The following C1orf185 variants were observed in gnomAD, a reference collection of about 807,000 sequenced individuals.
C1orf185 encodes the protein uncharacterized protein C1orf185.
In C1orf185, 13 loss-of-function variants were observed where a neutral mutation model predicts 16.1. The ratio of observed to expected loss-of-function variants is 0.81; its 90% confidence interval spans 0.53 to 1.28. The LOEUF (loss-of-function observed/expected upper bound fraction) is 1.28. Ranked by LOEUF, C1orf185 falls within the 50% of genes most tolerant of loss-of-function variation. The pLI, the probability that C1orf185 is intolerant of heterozygous loss-of-function variation, is 0.00. For missense variants in C1orf185, 220 were observed against 225.2 expected (o/e 0.98, Z 0.15); for synonymous variants, 80 against 76.9 (o/e 1.04, Z -0.21).
intron 3 of C1orf185, among the ~76,000 whole-genome samples, chr1:51,144,296 AG>A (rs1646385363): frequency 6.6e-6 from 1 of 152,232 alleles, no homozygotes; most frequent in Non-Finnish European, 1.5e-5. Context: ...AAGTCTGAGA[AG>A]CAATATTCTA....
chr1:51,127,301 TG>T (rs201614938), intron 3 of C1orf185, among the ~76,000 whole-genome samples: 83 of 151,906 alleles, frequency 5.5e-4, no homozygotes, highest in Admixed American at 7.9e-4. Flanking sequence ...TTTTTTTTTT[TG>T]TGTGAGATGG....
downstream of C1orf185, among the ~76,000 whole-genome samples, chr1:51,149,689 G>T (rs953872713): frequency 3.3e-5 from 5 of 152,060 alleles, no homozygotes; most frequent in Non-Finnish European, 5.9e-5. Flanking sequence ...GGGGAACTAT[G>T]GGTTGCCATT....
Position 51,145,764 on chromosome 1 carries a change from T to C in C1orf185, c.295+4T>C, listed in dbSNP as rs1359617420. 7.7e-7 allele frequency: 1 copy of C among 1,291,362 alleles called. No homozygotes were observed. The highest frequency in any genetic ancestry group is 1.1e-6 in the Non-Finnish European group (1 of 950,062). The allele number at this position is 1,291,362 out of a possible 1,614,324, so 80.0% of individuals were successfully genotyped here. On this transcript the variant is annotated splice_donor_region_variant and intron_variant, in intron 4 of 4. Transcript: ENST00000371759. The stretch of plus-strand genomic sequence containing the variant: ...AAGGAAGCAGCACATATAAAAGGTA[T>C]TTTTTCTCAATAATTTATTAGAAGA...
At chr1:51,129,495 T>C (rs1646267914) in intron 3 of C1orf185, among the ~76,000 whole-genome samples, 1 of 152,146 alleles carries the variant, frequency 6.6e-6, no homozygotes, top group Admixed American at 6.5e-5. Context: ...CACTGTAACC[T>C]TGAACTCATG....
At chr1:51,114,922 C>A (rs1646146916) in intron 2 of C1orf185, among the ~76,000 whole-genome samples, 1 of 152,148 alleles carries the variant, frequency 6.6e-6, no homozygotes, top group Non-Finnish European at 1.5e-5. Flanking sequence ...CCCTCATGCT[C>A]CTTTCCAGGC....
At chr1:51,113,721 G>A (rs17389822) in intron 2 of C1orf185, among the ~76,000 whole-genome samples, 5,229 of 151,804 alleles carry the variant, frequency 0.034, 131 homozygotes, top group African/African-American at 0.066. Flanking sequence ...TAAATTCAGC[G>A]TTTGCATTGT....
At chr1:51,142,535 T>C (rs1355364021) in intron 3 of C1orf185, among the ~76,000 whole-genome samples, 4 of 152,218 alleles carry the variant, frequency 2.6e-5, no homozygotes, top group Admixed American at 2.0e-4. Flanking sequence ...GAGTTTCCAA[T>C]GTGGAGAAGT....
At chr1:51,126,299 C>A (rs118188515) in intron 3 of C1orf185, among the ~76,000 whole-genome samples, 1 of 151,932 alleles carries the variant, frequency 6.6e-6, no homozygotes, top group Non-Finnish European at 1.5e-5. Context: ...GGTCTTGCTC[C>A]GTTGCCCAGG....
At chr1:51,105,360 A>G (rs1646061741) in intron 1 of C1orf185, among the ~76,000 whole-genome samples, 1 of 152,044 alleles carries the variant, frequency 6.6e-6, no homozygotes, top group Non-Finnish European at 1.5e-5. Flanking sequence ...AAAAAAAAAA[A>G]CTTTCTCCTA....
intron 3 of C1orf185, among the ~76,000 whole-genome samples, chr1:51,124,313 C>T (rs776426361): frequency 2.4e-4 from 36 of 152,174 alleles, no homozygotes; most frequent in Non-Finnish European, 4.9e-4. Flanking sequence ...AACTCCTGGC[C>T]TCAAGTGATC....
In C1orf185 at chr1:51,104,970, A is replaced by AT. The variant is rs374073717; in HGVS notation, c.16+2733dup. 2.8e-3 allele frequency among the ~76,000 whole-genome samples: 394 copies of AT among 142,162 alleles called. 1 individual carries two copies. Among genetic ancestry groups the AT allele is most frequent in the East Asian group, 0.015 (71 of 4,894 alleles). The allele number at this position is 142,162 out of a possible 152,430, so 93.3% of individuals were successfully genotyped here. A position where few individuals can be genotyped will look rare whatever the true frequency, so the allele number is the denominator to read the frequency against. On this transcript the variant is annotated intron_variant, in intron 1 of 4. Coordinates refer to ENST00000371759, the MANE Select transcript of C1orf185 (RefSeq NM_001136508.2). ...TGTGTTACTTTTCTTTTTCTTCTCC[A>AT]TTTTTTTTTTTTGAGATGGAGTCTT...
chr1:51,145,473 A>C (rs1302427221), intron 3 of C1orf185, among the ~76,000 whole-genome samples: 1 of 152,142 alleles, frequency 6.6e-6, no homozygotes, highest in Non-Finnish European at 1.5e-5. Flanking sequence ...GAGAGAATGA[A>C]TCCTATTTGA....
At chr1:51,133,489 T>C (rs1646300688) in intron 3 of C1orf185, among the ~76,000 whole-genome samples, 1 of 152,134 alleles carries the variant, frequency 6.6e-6, no homozygotes, top group Non-Finnish European at 1.5e-5. Flanking sequence ...AGAGTTCAAT[T>C]TAAGAAGAAG....
downstream of C1orf185, among the ~76,000 whole-genome samples, chr1:51,150,159 G>C (rs539493831): frequency 6.7e-6 from 1 of 150,196 alleles, no homozygotes; most frequent in Non-Finnish European, 1.5e-5. Context: ...TAAAGTAATT[G>C]TTATCCCATA....
At chr1:51,130,107 T>C (rs1646272224) in intron 3 of C1orf185, among the ~76,000 whole-genome samples, 1 of 152,198 alleles carries the variant, frequency 6.6e-6, no homozygotes, top group African/African-American at 2.4e-5. Context: ...ATGTTTCCAG[T>C]TTGCAGCTTG....
chr1:51,108,430 G>C (rs1307498594), intron 1 of C1orf185, among the ~76,000 whole-genome samples: 3 of 151,982 alleles, frequency 2.0e-5, no homozygotes, highest in African/African-American at 4.8e-5. Flanking sequence ...TTTGTATTTA[G>C]AACATTACAA....
intron 3 of C1orf185, among the ~76,000 whole-genome samples, chr1:51,135,577 G>A (rs1295591822): frequency 6.6e-6 from 1 of 152,128 alleles, no homozygotes; most frequent in African/African-American, 2.4e-5. Flanking sequence ...TTCAATAGAT[G>A]CCGAAAAGCC....
downstream of C1orf185, among the ~76,000 whole-genome samples, chr1:51,151,230 G>A (rs895743481): frequency 4.6e-5 from 7 of 152,200 alleles, 1 homozygote; most frequent in African/African-American, 1.7e-4. Flanking sequence ...CTCAGGAACA[G>A]GTGTAACAGG....
At chr1:51,127,780 G>A (rs1216032980) in intron 3 of C1orf185, among the ~76,000 whole-genome samples, 1 of 151,652 alleles carries the variant, frequency 6.6e-6, no homozygotes, top group African/African-American at 2.4e-5. Flanking sequence ...GCATTCTCTT[G>A]TTGACGGATA....
Sources: gnomAD v4.1 joint callset for allele counts (sites outside exome capture counted in the v4.1 genomes callset) on GRCh38, gnomAD v4.1.1 for gene constraint, MANE v1.5 for transcripts, NCBI Gene and HGNC (gene_info 2026-07-23, HGNC 2026-07-21) for gene names.